GRIP1: variants seen among roughly 807,000 people sequenced by gnomAD.
GRIP1 encodes glutamate receptor-interacting protein 1.
A neutral mutation model predicts 129.9 loss-of-function variants in GRIP1; 45 were observed. The observed-to-expected ratio is 0.35, with a 90% CI of 0.27 to 0.44. The LOEUF is 0.44. GRIP1 is among the 20% of genes least tolerant of loss of function. The probability of loss-of-function intolerance (pLI) is 1.00; values close to 1 mark genes in which losing one functional copy is unlikely to be tolerated. For synonymous variants in GRIP1, 530 were observed against 520.8 expected, an observed-to-expected ratio of 1.02 and a Z score of -0.24; for missense variants, 1,196 against 1,396.8, an observed-to-expected ratio of 0.86 and a Z score of 2.29.
chr12:66,792,638 A>G (rs577716968), intron 1 of GRIP1, among the ~76,000 whole-genome samples: 4 of 152,260 alleles, frequency 2.6e-5, no homozygotes, highest in African/African-American at 9.6e-5. Context: ...TGCTATTACA[A>G]CTCAAACTAA....
Position 66,348,667 on chromosome 12 carries a change from CAG to C in GRIP1, c.*350_*351del. The stretch of plus-strand genomic sequence containing the variant: ...TCAAAGTGAATTAAGGAAATCATCA[CAG>C]AGAATATTTTCAAACAGATGTTTCT... On this transcript the variant is annotated 3_prime_UTR_variant, in exon 25 of 25. Coordinates refer to ENST00000359742, the MANE Select transcript of GRIP1 (RefSeq NM_001366722.1). The C allele has an allele frequency of 3.8e-6, 1 of 263,590 alleles. No individual in the cohort carries two copies. The highest frequency in any genetic ancestry group is 7.3e-6 in the Non-Finnish European group (1 of 136,132). The allele number at this position is 263,590 out of a possible 1,614,324, so 16.3% of individuals were successfully genotyped here. A position where few individuals can be genotyped will look rare whatever the true frequency, so the allele number is the denominator to read the frequency against.
intron 1 of GRIP1, among the ~76,000 whole-genome samples, chr12:66,732,801 A>T (rs1042653814): frequency 2.0e-5 from 3 of 152,146 alleles, no homozygotes; most frequent in Non-Finnish European, 4.4e-5. Flanking sequence ...AGTTATATGC[A>T]GATTTTCTGA....
intron 11 of GRIP1, among the ~76,000 whole-genome samples, chr12:66,446,055 T>C (rs1436698617): frequency 6.6e-6 from 1 of 152,072 alleles, no homozygotes; most frequent in Non-Finnish European, 1.5e-5. Flanking sequence ...AGTGTTGGGT[T>C]GGCATGATGA....
At chr12:66,901,125 T>C (rs1310812353) in intron 1 of GRIP1, among the ~76,000 whole-genome samples, 2 of 152,200 alleles carry the variant, frequency 1.3e-5, no homozygotes, top group African/African-American at 2.4e-5. Context: ...CTTGATTACA[T>C]GGGTTAAAAG....
chr12:66,540,505 G>T (rs1219317161), intron 3 of GRIP1, among the ~76,000 whole-genome samples: 1 of 152,160 alleles, frequency 6.6e-6, no homozygotes. Flanking sequence ...GGAGGTTGTG[G>T]GTGTGGAAAG....
At chr12:66,913,080 C>T (rs921446127) in intron 1 of GRIP1, among the ~76,000 whole-genome samples, 5 of 152,140 alleles carry the variant, frequency 3.3e-5, no homozygotes, top group East Asian at 1.9e-4. Flanking sequence ...ACAAGTCGGC[C>T]GCCACAGCAT....
At chr12:66,626,340 C>CA (rs112364955) in intron 1 of GRIP1, among the ~76,000 whole-genome samples, 45,395 of 140,932 alleles carry the variant, frequency 0.32, 7,363 homozygotes, top group Non-Finnish European at 0.36. Flanking sequence ...ACCCCATCTC[C>CA]AAAAAAAAAA....
intron 1 of GRIP1, among the ~76,000 whole-genome samples, chr12:66,728,886 T>C (rs1328975228): frequency 1.3e-5 from 2 of 152,076 alleles, no homozygotes; most frequent in East Asian, 1.9e-4. Context: ...TAAGGTGATG[T>C]CTATAAATCC....
chr12:67,010,484 A>G (rs2042689330), intron 1 of GRIP1, among the ~76,000 whole-genome samples: 1 of 152,178 alleles, frequency 6.6e-6, no homozygotes. Flanking sequence ...ACGTACAACT[A>G]TGACTATACT....
At chr12:66,445,935 C>T (rs1324408635) in intron 11 of GRIP1, among the ~76,000 whole-genome samples, 1 of 152,138 alleles carries the variant, frequency 6.6e-6, no homozygotes, top group East Asian at 1.9e-4. Flanking sequence ...TAGCCATTTG[C>T]ATCTGGGCTT....
In GRIP1 at chr12:66,539,070, G is replaced by A; in HGVS notation, c.418+8C>T. ...TCCCCTATGGATAAGGGGGGCTACT[G>A]TACTTACAGACCGGTGGAAGCTCGT... On this transcript the variant is annotated splice_region_variant and intron_variant, in intron 4 of 24. Transcript: ENST00000359742. 1 of 1,612,552 alleles carries A rather than the reference G, an allele frequency of 6.2e-7. No individual in the cohort carries two copies. Among genetic ancestry groups the A allele is most frequent in the Non-Finnish European group, 8.5e-7 (1 of 1,178,624 alleles).
intron 1 of GRIP1, among the ~76,000 whole-genome samples, chr12:66,878,492 G>A (rs977803772): frequency 1.3e-5 from 2 of 152,004 alleles, no homozygotes; most frequent in Non-Finnish European, 2.9e-5. Context: ...GCAGATTGGA[G>A]TGATGATGTT....
intron 1 of GRIP1, among the ~76,000 whole-genome samples, chr12:66,912,175 A>G (rs1200623055): frequency 6.6e-6 from 1 of 152,128 alleles, no homozygotes; most frequent in Non-Finnish European, 1.5e-5. Flanking sequence ...TTCTTTTTTA[A>G]TCATAATTTC....
At chr12:66,904,288 T>C (rs1163041203) in intron 1 of GRIP1, among the ~76,000 whole-genome samples, 1 of 152,166 alleles carries the variant, frequency 6.6e-6, no homozygotes, top group Non-Finnish European at 1.5e-5. Context: ...GAACAAATAT[T>C]TCAAACCCCT....
At chr12:67,036,672 T>C (rs567064997) in intron 1 of GRIP1, among the ~76,000 whole-genome samples, 2 of 152,210 alleles carry the variant, frequency 1.3e-5, no homozygotes, top group Admixed American at 1.3e-4. Context: ...ATAGCCCTCC[T>C]TGTTGTGGCT....
Position 66,363,200 on chromosome 12 carries a change from C to CTATATATATATATATATATATATAT in GRIP1, c.3012+8493_3012+8494insATATATATATATATATATATATATA, listed in dbSNP as rs1565666281. Among the ~76,000 whole-genome samples, 587 of 88,168 alleles carry CTATATATATATATATATATATATAT rather than the reference C, an allele frequency of 6.7e-3. 44 individuals carry two copies. Among genetic ancestry groups the CTATATATATATATATATATATATAT allele is most frequent in the East Asian group, 8.3e-3 (25 of 3,004 alleles). 57.8% of individuals were successfully genotyped at this position (88,168 alleles called of 152,430 possible). A position where few individuals can be genotyped will look rare whatever the true frequency, so the allele number is the denominator to read the frequency against. ...ATATGTATATATGTGTGTGTGTGTC[C>CTATATATATATATATATATATATAT]ATATATATATATATATATATATATA... On this transcript the variant is annotated intron_variant, in intron 23 of 24. Transcript: ENST00000359742.
At chr12:66,415,588 G>A (rs1022278810) in intron 15 of GRIP1, among the ~76,000 whole-genome samples, 6 of 152,028 alleles carry the variant, frequency 3.9e-5, no homozygotes, top group Non-Finnish European at 5.9e-5. Context: ...CCAAAGGAAT[G>A]TAAATTATTC....
intron 2 of GRIP1, among the ~76,000 whole-genome samples, chr12:66,556,747 T>C (rs1429185440): frequency 1.3e-5 from 2 of 152,130 alleles, no homozygotes; most frequent in African/African-American, 2.4e-5. Flanking sequence ...CAGTGTTAAG[T>C]TGTCATCAGT....
At chr12:66,998,429 A>AT (rs148553469) in intron 1 of GRIP1, among the ~76,000 whole-genome samples, 44,690 of 151,794 alleles carry the variant, frequency 0.29, 7,757 homozygotes, top group Non-Finnish European at 0.38. Flanking sequence ...GATAAAAAAA[A>AT]ATATATATTT....
Sources: allele counts gnomAD v4.1 joint callset (sites outside exome capture counted in the v4.1 genomes callset), GRCh38; gene constraint gnomAD v4.1.1; transcripts MANE v1.5; gene names NCBI Gene and HGNC (gene_info 2026-07-23, HGNC 2026-07-21).